LSAMP: variants seen among roughly 807,000 people sequenced by gnomAD.
The protein encoded by LSAMP is limbic system associated membrane protein.
Under a neutral mutation model 38.6 loss-of-function variants are expected in LSAMP, and 7 were observed. That is an observed-to-expected ratio of 0.18 (90% CI 0.10 to 0.34). The LOEUF is 0.34. LSAMP is among the 10% of genes least tolerant of loss of function. The pLI is 1.00. For missense variants in LSAMP, 313 were observed against 420.0 expected (o/e 0.75, Z 2.23); for synonymous variants, 154 against 166.8 (o/e 0.92, Z 0.59).
chr3:115,979,830 C>T (rs892071835), intron 3 of LSAMP, among the ~76,000 whole-genome samples: 1 of 152,196 alleles, frequency 6.6e-6, no homozygotes, highest in Non-Finnish European at 1.5e-5. Context: ...CTTATAGCTG[C>T]ATATAGTAGT....
chr3:116,137,874 A>G (rs1709285538), intron 1 of LSAMP, among the ~76,000 whole-genome samples: 1 of 152,182 alleles, frequency 6.6e-6, no homozygotes. Context: ...CCTATTGGCA[A>G]TGAATATAAA....
At position 115,978,156 on chromosome 3, in the gene LSAMP, C is replaced by T. The variant is rs143639255; in HGVS notation, c.514+41359G>A. ...GTAGAGCTACAAACACCTGCCACCA[C>T]GCCCAGCGACTTCTTTCTTAAGGCA... On this transcript the variant is annotated intron_variant, in intron 3 of 6. Coordinates refer to ENST00000490035, the MANE Select transcript of LSAMP (RefSeq NM_002338.5). Among the ~76,000 whole-genome samples, 553 of 152,122 alleles carry T rather than the reference C, an allele frequency of 3.6e-3. 4 individuals are homozygous for T. The highest frequency in any genetic ancestry group is 8.8e-3 in the African/African-American group (365 of 41,462).
chr3:116,183,789 A>C (rs1046669832), intron 1 of LSAMP, among the ~76,000 whole-genome samples: 1 of 151,896 alleles, frequency 6.6e-6, no homozygotes, highest in African/African-American at 2.4e-5. Flanking sequence ...CCTGATAATA[A>C]AAATAGCAAG....
In LSAMP at chr3:116,400,109, C is replaced by G. The variant is rs1451894847; in HGVS notation, c.155+44768G>C. ...AATACTTTCTACAAATCTAAAAAAC[C>G]CCTAAATTTCCTTGATTCTCTCATA... is the stretch of plus-strand genomic sequence containing the variant. On this transcript the variant is annotated intron_variant, in intron 1 of 6. Coordinates refer to ENST00000490035, the MANE Select transcript of LSAMP (RefSeq NM_002338.5). 2.6e-5 allele frequency among the ~76,000 whole-genome samples: 4 copies of G among 152,012 alleles called. No homozygotes were observed. In the East Asian group the frequency reaches 7.7e-4, roughly 29 times the overall value.
At chr3:116,104,944 T>C (rs1440330397) in intron 1 of LSAMP, among the ~76,000 whole-genome samples, 1 of 152,208 alleles carries the variant, frequency 6.6e-6, no homozygotes, top group Non-Finnish European at 1.5e-5. Context: ...CATACAGCCA[T>C]GGCAGGAGCA....
intron 1 of LSAMP, among the ~76,000 whole-genome samples, chr3:116,148,014 T>C (rs1709527185): frequency 6.6e-6 from 1 of 151,958 alleles, no homozygotes; most frequent in Non-Finnish European, 1.5e-5. Flanking sequence ...CCTAATTCTA[T>C]AGCAAGACTT....
intron 1 of LSAMP, among the ~76,000 whole-genome samples, chr3:116,387,831 C>T (rs1576183040): frequency 2.6e-5 from 4 of 152,186 alleles, no homozygotes; most frequent in Non-Finnish European, 4.4e-5. Flanking sequence ...CAGTATCTCA[C>T]GCCTGTAATC....
intron 1 of LSAMP, among the ~76,000 whole-genome samples, chr3:116,414,905 G>A (rs945847830): frequency 6.6e-6 from 1 of 151,960 alleles, no homozygotes; most frequent in African/African-American, 2.4e-5. Flanking sequence ...CCTTCACTCT[G>A]CTTGCTCCCA....
chr3:116,443,590 T>G (rs1040172941), intron 1 of LSAMP, among the ~76,000 whole-genome samples: 2 of 152,170 alleles, frequency 1.3e-5, no homozygotes, highest in Non-Finnish European at 2.9e-5. Flanking sequence ...GAAAGAAAAC[T>G]TTGCTGCTGT....
At chr3:116,270,445 A>ATTGT (rs1160221919) in intron 1 of LSAMP, among the ~76,000 whole-genome samples, 1 of 150,250 alleles carries the variant, frequency 6.7e-6, no homozygotes, top group Non-Finnish European at 1.5e-5. Flanking sequence ...AACAATTGTG[A>ATTGT]TTGTTTTAGC....
chr3:116,215,243 A>G (rs960602186), intron 1 of LSAMP, among the ~76,000 whole-genome samples: 1 of 152,178 alleles, frequency 6.6e-6, no homozygotes, highest in Non-Finnish European at 1.5e-5. Flanking sequence ...TTCAATATTC[A>G]TTCTTCCTTC....
intron 3 of LSAMP, among the ~76,000 whole-genome samples, chr3:115,976,543 C>A (rs1939193445): frequency 6.6e-6 from 1 of 152,100 alleles, no homozygotes. Flanking sequence ...AAGATGATCT[C>A]CAGGAGACAA....
intron 1 of LSAMP, among the ~76,000 whole-genome samples, chr3:116,231,129 T>C (rs899160706): frequency 3.3e-5 from 5 of 152,170 alleles, no homozygotes; most frequent in African/African-American, 1.2e-4. Flanking sequence ...AGCACCCCCT[T>C]CAATTTTCTA....
At chr3:115,877,387 G>A (rs1313821539) in intron 3 of LSAMP, among the ~76,000 whole-genome samples, 1 of 152,008 alleles carries the variant, frequency 6.6e-6, no homozygotes, top group Non-Finnish European at 1.5e-5. Flanking sequence ...TAAATATACT[G>A]TTGTAGTGTC....
intron 3 of LSAMP, among the ~76,000 whole-genome samples, chr3:115,928,973 G>GTTT (rs67711628): frequency 0.064 from 6,978 of 109,514 alleles, 532 homozygotes; most frequent in African/African-American, 0.16. Context: ...TTTTTTGTTT[G>GTTT]TTTTTTTTTT....
intron 1 of LSAMP, among the ~76,000 whole-genome samples, chr3:116,246,948 C>G (rs2046612985): frequency 6.6e-6 from 1 of 152,130 alleles, no homozygotes; most frequent in African/African-American, 2.4e-5. Context: ...TTGAAATCAA[C>G]AAGGCTCACA....
At chr3:116,309,553 C>T (rs9682733) in intron 1 of LSAMP, among the ~76,000 whole-genome samples, 148,630 of 152,204 alleles carry the variant, frequency 0.98, 72,688 homozygotes, top group East Asian at 1. Flanking sequence ...AGTCCCTGTA[C>T]TCAAGAGGAC....
chr3:116,036,524 A>G (rs1941049120), intron 2 of LSAMP, among the ~76,000 whole-genome samples: 1 of 152,290 alleles, frequency 6.6e-6, no homozygotes, highest in African/African-American at 2.4e-5. Flanking sequence ...ACTGCCTGTC[A>G]GGCATTCGTT....
chr3:116,308,130 T>A (rs2047508612), intron 1 of LSAMP, among the ~76,000 whole-genome samples: 1 of 151,966 alleles, frequency 6.6e-6, no homozygotes, highest in African/African-American at 2.4e-5. Flanking sequence ...CCTTTCCCCC[T>A]ACCATCTTTT....
Sources: gnomAD v4.1 joint callset for allele counts (sites outside exome capture counted in the v4.1 genomes callset) on GRCh38, gnomAD v4.1.1 for gene constraint, MANE v1.5 for transcripts, NCBI Gene and HGNC (gene_info 2026-07-23, HGNC 2026-07-21) for gene names.